CCDC50: variants seen among roughly 807,000 people sequenced by gnomAD.
CCDC50 encodes coiled-coil domain containing 50.
CCDC50 carries 54 observed loss-of-function variants against 70.2 expected under a neutral mutation model. That is an observed-to-expected ratio of 0.77 (90% CI 0.62 to 0.96). The LOEUF is 0.96. CCDC50 is among the 50% of genes least tolerant of loss of function. The probability of loss-of-function intolerance (pLI) is 0.00; values close to 1 mark genes in which losing one functional copy is unlikely to be tolerated. For missense variants in CCDC50, 558 were observed against 578.7 expected, an observed-to-expected ratio of 0.96 and a Z score of 0.37; for synonymous variants, 216 against 198.8, an observed-to-expected ratio of 1.09 and a Z score of -0.73.
At chr3:191,382,711 T>G (rs1713360873) in intron 9 of CCDC50, 35 bp from the exon 10 acceptor site, 1 of 1,379,508 alleles carries the variant, frequency 7.2e-7, no homozygotes, top group Non-Finnish European at 1.0e-6. Context: ...ATGTGTGTGT[T>G]ATTTTTGTTT....
At position 191,395,147 on chromosome 3, in the gene CCDC50, T is replaced by C. The variant is rs1027784582; in HGVS notation, c.*3387T>C. The C allele has an allele frequency of 1.6e-5, 2 of 121,474 alleles. No homozygotes were observed. The highest frequency in any genetic ancestry group is 3.4e-5 in the Non-Finnish European group (2 of 58,594). The allele number at this position is 121,474 out of a possible 1,614,324, so 7.5% of individuals were successfully genotyped here. On this transcript the variant is annotated 3_prime_UTR_variant, in exon 12 of 12. Transcript: ENST00000392455. The stretch of plus-strand genomic sequence containing the variant: ...AATGTGTGACCTTGGGCTTTGTGTT[T>C]ACTGAACTCACTCTAGAAAATTCTG...
intron 4 of CCDC50, 56 bp from the exon 5 acceptor site, chr3:191,369,863 T>G: frequency 6.4e-6 from 8 of 1,241,570 alleles, no homozygotes; most frequent in Admixed American, 1.7e-5. Flanking sequence ...CCCCACCATA[T>G]GGAGTTTGTT....
At chr3:191,339,519 T>C (rs935676559) in intron 1 of CCDC50, among the ~76,000 whole-genome samples, 10 of 152,208 alleles carry the variant, frequency 6.6e-5, no homozygotes, top group Admixed American at 5.2e-4. Context: ...GGGTATTACA[T>C]GATAACCAAG....
intron 5 of CCDC50, 74 bp from the exon 6 acceptor site, chr3:191,374,988 C>G (rs1468352667): frequency 1.4e-6 from 2 of 1,456,898 alleles, no homozygotes; most frequent in Non-Finnish European, 1.9e-6. Flanking sequence ...AGACTCCCCC[C>G]TGTGTAGTGA....
At position 191,392,924 on chromosome 3, in the gene CCDC50, G is replaced by A. The variant is rs1400643129; in HGVS notation, c.*1164G>A. The A allele has an allele frequency of 6.6e-6, 1 of 152,196 alleles. No individual in the cohort carries two copies. The highest frequency in any genetic ancestry group is 1.5e-5 in the Non-Finnish European group (1 of 68,090). 9.4% of individuals were successfully genotyped at this position (152,196 alleles called of 1,614,324 possible). ...GGCTAATTTTTGTATTTTTAGTAAA[G>A]AGCGGGTTTCACCATGTTGGCCAGG... On this transcript the variant is annotated 3_prime_UTR_variant, in exon 12 of 12. Transcript: ENST00000392455.
chr3:191,382,801 A>G lies in CCDC50; in HGVS notation c.1298A>G (p.His433Arg). The G allele has an allele frequency of 6.2e-7, 1 of 1,613,020 alleles. No individual in the cohort carries two copies. The highest frequency in any genetic ancestry group is 8.5e-7 in the Non-Finnish European group (1 of 1,179,138). The part of the protein sequence containing the change: ...SKSKESDEPH[H>R]SKNERPARPP... ...TCAAAAGAGAGTGATGAACCTCACCATTCTAAGAATGAAAGGCCAGCACGG... is the reference window on the plus strand; with the variant it reads ...TCAAAAGAGAGTGATGAACCTCACCGTTCTAAGAATGAAAGGCCAGCACGG... Residue 433 changes from histidine to arginine, a missense_variant, in exon 10 of 12, where the codon CAT becomes CGT. Transcript: ENST00000392455.
intron 1 of CCDC50, among the ~76,000 whole-genome samples, chr3:191,352,449 A>G (rs1712136345): frequency 7.0e-6 from 1 of 142,358 alleles, no homozygotes; most frequent in African/African-American, 2.5e-5. Flanking sequence ...CTGTATATAC[A>G]GGCATCCCTC....
At chr3:191,357,033 A>T (rs536285226) in intron 1 of CCDC50, 55 bp from the exon 2 acceptor site, 2 of 1,067,638 alleles carry the variant, frequency 1.9e-6, no homozygotes, top group South Asian at 1.3e-5. Context: ...TTTCCTTTGT[A>T]TGTTAAAGTA....
chr3:191,393,854 T>C lies in CCDC50; in HGVS notation c.*2094T>C, dbSNP rs1241841901. The C allele has an allele frequency of 1.3e-5, 2 of 152,202 alleles. No homozygotes were observed. The highest frequency in any genetic ancestry group is 2.9e-5 in the Non-Finnish European group (2 of 68,032). The allele number at this position is 152,202 out of a possible 1,614,324, so 9.4% of individuals were successfully genotyped here. A position where few individuals can be genotyped will look rare whatever the true frequency, so the allele number is the denominator to read the frequency against. On this transcript the variant is annotated 3_prime_UTR_variant, in exon 12 of 12. Coordinates refer to ENST00000392455, the MANE Select transcript of CCDC50 (RefSeq NM_178335.3). ...TTTCGCTTCGTGTCCTTCAAAGTTT[T>C]TTTATTGTAATTTTAAAGGAAAAAA...
chr3:191,377,095 C>CGGATTT (rs1238011476), intron 6 of CCDC50, among the ~76,000 whole-genome samples: 1 of 152,060 alleles, frequency 6.6e-6, no homozygotes. Context: ...GATTGAAAAA[C>CGGATTT]AATGTTACCA....
At position 191,391,891 on chromosome 3, in the gene CCDC50, AC is replaced by A; in HGVS notation, c.*133del. 1 of 795,396 alleles carries A rather than the reference AC, an allele frequency of 1.3e-6. No individual in the cohort carries two copies. The highest frequency in any genetic ancestry group is 2.1e-6 in the Non-Finnish European group (1 of 480,092). The allele number at this position is 795,396 out of a possible 1,614,324, so 49.3% of individuals were successfully genotyped here. A position where few individuals can be genotyped will look rare whatever the true frequency, so the allele number is the denominator to read the frequency against. On this transcript the variant is annotated 3_prime_UTR_variant, in exon 12 of 12. Transcript: ENST00000392455. ...GGATTTATCCTCAAGTGCATTTCTG[AC>A]CATAAGTAATTTTAATTCATTTCAA... is the stretch of plus-strand genomic sequence containing the variant.
intron 5 of CCDC50, among the ~76,000 whole-genome samples, chr3:191,371,976 T>A (rs1414901260): frequency 1.3e-5 from 2 of 152,208 alleles, no homozygotes; most frequent in Admixed American, 6.6e-5. Flanking sequence ...ACGTTATTAT[T>A]TTAAACTGTT....
chr3:191,389,138 G>T (rs998590275), intron 10 of CCDC50, among the ~76,000 whole-genome samples: 2 of 147,118 alleles, frequency 1.4e-5, no homozygotes, highest in African/African-American at 5.0e-5. Flanking sequence ...CTTCTTTTCT[G>T]TTCTTTATTC....
At chr3:191,331,661 G>A (rs1230336832) in intron 1 of CCDC50, among the ~76,000 whole-genome samples, 2 of 152,164 alleles carry the variant, frequency 1.3e-5, no homozygotes, top group Admixed American at 1.3e-4. Context: ...ATCATCAAAG[G>A]AAGTGATGTA....
intron 5 of CCDC50, among the ~76,000 whole-genome samples, chr3:191,372,758 G>A (rs1019822851): frequency 6.6e-6 from 1 of 151,946 alleles, no homozygotes; most frequent in African/African-American, 2.4e-5. Context: ...ATGAATCCAT[G>A]TTTTTCTTTC....
intron 6 of CCDC50, 28 bp downstream of exon 6, chr3:191,375,617 C>G: frequency 6.2e-7 from 1 of 1,606,266 alleles, no homozygotes; most frequent in Non-Finnish European, 8.5e-7. Context: ...CGATGGAAGT[C>G]CTGGTATCAT....
chr3:191,344,160 A>G (rs533017036), intron 1 of CCDC50, among the ~76,000 whole-genome samples: 41 of 152,360 alleles, frequency 2.7e-4, no homozygotes, highest in Non-Finnish European at 4.6e-4. Flanking sequence ...ATGCTTGTGC[A>G]TGCATGCACA....
chr3:191,357,469 A>C (rs1217046220), intron 2 of CCDC50, among the ~76,000 whole-genome samples: 1 of 152,222 alleles, frequency 6.6e-6, no homozygotes, highest in Non-Finnish European at 1.5e-5. Flanking sequence ...GAAGGAATCT[A>C]TTCTTGCTCC....
chr3:191,383,292 C>A (rs1429060093), intron 10 of CCDC50, among the ~76,000 whole-genome samples: 3 of 152,142 alleles, frequency 2.0e-5, no homozygotes, highest in African/African-American at 7.2e-5. Context: ...TCCCACTCAA[C>A]AAATAGCTGT....
Sources: gnomAD v4.1 joint callset for allele counts (sites outside exome capture counted in the v4.1 genomes callset) on GRCh38, gnomAD v4.1.1 for gene constraint, MANE v1.5 for transcripts, NCBI Gene and HGNC (gene_info 2026-07-23, HGNC 2026-07-21) for gene names.